ERC2: variants seen among roughly 807,000 people sequenced by gnomAD.
ERC2 encodes the protein ELKS/RAB6-interacting/CAST family member 2.
A neutral mutation model predicts 114.8 loss-of-function variants in ERC2; 42 were observed. That is an observed-to-expected ratio of 0.37 (90% CI 0.29 to 0.47). ERC2 has a LOEUF of 0.47. Ranked by LOEUF, ERC2 falls within the 20% of genes least tolerant of loss-of-function variation. The pLI is 0.99. For synonymous variants in ERC2, 454 were observed against 425.5 expected (o/e 1.07, Z -0.82); for missense variants, 939 against 1,150.7 (o/e 0.82, Z 2.66).
At chr3:55,895,064 C>T (rs528899972) in intron 13 of ERC2, among the ~76,000 whole-genome samples, 1 of 152,316 alleles carries the variant, frequency 6.6e-6, no homozygotes, top group Admixed American at 6.5e-5. Flanking sequence ...ACCTCCTTCA[C>T]AGCTTGCAGC....
chr3:55,646,264 C>T (rs910796701), intron 17 of ERC2, among the ~76,000 whole-genome samples: 9 of 152,182 alleles, frequency 5.9e-5, no homozygotes, highest in Non-Finnish European at 1.5e-5. Context: ...TTCCTTTCTG[C>T]ATTGTTCTTG....
intron 6 of ERC2, among the ~76,000 whole-genome samples, chr3:56,089,850 C>G (rs1386615789): frequency 2.6e-5 from 4 of 152,204 alleles, no homozygotes; most frequent in Non-Finnish European, 4.4e-5. Flanking sequence ...ATCACACTGA[C>G]TTAGAGAGAA....
chr3:56,272,113 G>A (rs1351730369), intron 3 of ERC2, among the ~76,000 whole-genome samples: 3 of 151,986 alleles, frequency 2.0e-5, no homozygotes, highest in South Asian at 2.1e-4. Context: ...AACAATTAAC[G>A]CTCACACTTG....
chr3:55,929,598 A>C (rs187226867), intron 13 of ERC2, among the ~76,000 whole-genome samples: 1 of 152,364 alleles, frequency 6.6e-6, no homozygotes, highest in Admixed American at 6.5e-5. Context: ...TGGATAATAA[A>C]AATTACAAAG....
intron 17 of ERC2, among the ~76,000 whole-genome samples, chr3:55,561,026 C>A (rs897368060): frequency 8.6e-5 from 13 of 152,016 alleles, no homozygotes; most frequent in Non-Finnish European, 1.5e-4. Flanking sequence ...GCTTGGGAAA[C>A]CTGAAAGACT....
chr3:55,688,998 G>C (rs756521906), intron 16 of ERC2, among the ~76,000 whole-genome samples: 1 of 152,112 alleles, frequency 6.6e-6, no homozygotes, highest in Non-Finnish European at 1.5e-5. Flanking sequence ...TGGTGAAAGC[G>C]AAACTTCATT....
chr3:55,670,055 C>T (rs1029105279), intron 17 of ERC2, among the ~76,000 whole-genome samples: 8 of 152,144 alleles, frequency 5.3e-5, no homozygotes, highest in Admixed American at 2.6e-4. Flanking sequence ...GCACTGAGCT[C>T]GCATTTTACA....
intron 17 of ERC2, among the ~76,000 whole-genome samples, chr3:55,623,651 C>T (rs1342441047): frequency 2.0e-5 from 3 of 152,156 alleles, no homozygotes; most frequent in Non-Finnish European, 4.4e-5. Context: ...GTCCTTCCCA[C>T]CAAACTATTC....
At chr3:56,017,992 G>C (rs535957900) in intron 8 of ERC2, among the ~76,000 whole-genome samples, 1 of 152,266 alleles carries the variant, frequency 6.6e-6, no homozygotes, top group East Asian at 1.9e-4. Context: ...GAGTCTAGCA[G>C]AGAAGAGAAA....
intron 3 of ERC2, among the ~76,000 whole-genome samples, chr3:56,209,176 C>T (rs1488057604): frequency 6.6e-6 from 1 of 152,136 alleles, no homozygotes; most frequent in Non-Finnish European, 1.5e-5. Flanking sequence ...TTTCAGATCA[C>T]TGCTGATTTC....
intron 2 of ERC2, among the ~76,000 whole-genome samples, chr3:56,352,915 T>C (rs1245621393): frequency 1.3e-5 from 2 of 152,044 alleles, no homozygotes; most frequent in Admixed American, 1.3e-4. Flanking sequence ...TCTTCAAATC[T>C]GGCAAAAAAA....
At chr3:55,973,711 G>A (rs2069351942) in intron 12 of ERC2, among the ~76,000 whole-genome samples, 1 of 152,136 alleles carries the variant, frequency 6.6e-6, no homozygotes, top group African/African-American at 2.4e-5. Flanking sequence ...CCAGTGTTTT[G>A]CACAGACACT....
intron 1 of ERC2, among the ~76,000 whole-genome samples, chr3:56,459,754 G>C (rs1011717011): frequency 8.5e-5 from 13 of 152,096 alleles, no homozygotes; most frequent in African/African-American, 2.9e-4. Context: ...TAACCACTTA[G>C]TTCCTTCCTG....
chr3:55,770,654 T>C (rs1035465933), intron 14 of ERC2, among the ~76,000 whole-genome samples: 1 of 152,252 alleles, frequency 6.6e-6, no homozygotes, highest in Admixed American at 6.5e-5. Context: ...AGTTCTGGGA[T>C]ACATGTGCAG....
At chr3:56,458,480 A>G (rs1284265362) in intron 1 of ERC2, among the ~76,000 whole-genome samples, 1 of 152,186 alleles carries the variant, frequency 6.6e-6, no homozygotes, top group Non-Finnish European at 1.5e-5. Context: ...CATGTATAAA[A>G]AGAGAGTTAT....
chr3:55,857,582 G>GAAAAC (rs1411640710), intron 14 of ERC2, among the ~76,000 whole-genome samples: 5 of 151,952 alleles, frequency 3.3e-5, no homozygotes, highest in African/African-American at 4.8e-5. Flanking sequence ...CACTAATACA[G>GAAAAC]AAAACAAAAC....
intron 2 of ERC2, among the ~76,000 whole-genome samples, chr3:56,303,792 G>C (rs934434283): frequency 6.6e-6 from 1 of 152,188 alleles, no homozygotes; most frequent in African/African-American, 2.4e-5. Flanking sequence ...GGTCCTAAGT[G>C]CCCCCTGGCG....
In ERC2 at chr3:56,434,786, G is replaced by C; in HGVS notation, c.222C>G (p.Thr74=). The C allele has an allele frequency of 6.2e-7, 1 of 1,613,978 alleles. No homozygotes were observed. The highest frequency in any genetic ancestry group is 8.5e-7 in the Non-Finnish European group (1 of 1,179,896). The change falls in exon 2 of 18, where the codon ACC becomes ACG. Residue 74 remains threonine (T), a synonymous_variant. Coordinates refer to ENST00000288221, the MANE Select transcript of ERC2 (RefSeq NM_015576.3). ...CCAGAGTCATAGTGCCCTTTGGGTA[G>C]GTTGTTGAAGCCACCCCTTCATGAT... ...LSDHEGVAST[T]YPKGTMTLGR... is the part of the protein sequence containing the mutation.
chr3:55,779,370 C>T (rs116644992), intron 14 of ERC2, among the ~76,000 whole-genome samples: 6,511 of 146,460 alleles, frequency 0.044, 201 homozygotes, highest in Middle Eastern at 0.11. Context: ...GGTGTAGTGG[C>T]GGTGCCTGTA....
Sources: gnomAD v4.1 joint callset for allele counts (sites outside exome capture counted in the v4.1 genomes callset) on GRCh38, gnomAD v4.1.1 for gene constraint, MANE v1.5 for transcripts, NCBI Gene and HGNC (gene_info 2026-07-23, HGNC 2026-07-21) for gene names.